The following NAALADL2 variants were observed in gnomAD, a reference collection of about 807,000 sequenced individuals.
The protein encoded by NAALADL2 is N-acetylated alpha-linked acidic dipeptidase like 2.
NAALADL2 carries 76 observed loss-of-function variants against 87.2 expected under a neutral mutation model. The observed-to-expected ratio is 0.87, with a 90% CI of 0.72 to 1.05. The LOEUF is 1.05. NAALADL2 is among the 50% of genes least tolerant of loss of function. The pLI is 0.00. For synonymous variants in NAALADL2, 354 were observed against 331.0 expected (o/e 1.07, Z -0.75); for missense variants, 1,089 against 945.8 (o/e 1.15, Z -1.99).
intron 5 of NAALADL2, among the ~76,000 whole-genome samples, chr3:175,383,170 C>G (rs1767983251): frequency 6.6e-6 from 1 of 151,888 alleles, no homozygotes; most frequent in Non-Finnish European, 1.5e-5. Context: ...TTTATCATTC[C>G]TTTGTGTTAG....
At chr3:175,336,818 T>G (rs1420500210) in intron 5 of NAALADL2, among the ~76,000 whole-genome samples, 1 of 152,164 alleles carries the variant, frequency 6.6e-6, no homozygotes, top group Non-Finnish European at 1.5e-5. Flanking sequence ...AAACACAAAT[T>G]TGAACAAACC....
intron 1 of NAALADL2, among the ~76,000 whole-genome samples, chr3:174,989,184 C>T (rs1746377216): frequency 6.6e-6 from 1 of 152,168 alleles, no homozygotes; most frequent in Non-Finnish European, 1.5e-5. Context: ...GTCCCCATGA[C>T]TCAAATACCT....
At chr3:175,100,182 A>T (rs752090133) in intron 2 of NAALADL2, among the ~76,000 whole-genome samples, 2 of 152,174 alleles carry the variant, frequency 1.3e-5, no homozygotes, top group Non-Finnish European at 2.9e-5. Flanking sequence ...CAGTTGAGGC[A>T]TAAAGACAAT....
At chr3:174,525,854 C>A (rs968212745) in intron 1 of NAALADL2, among the ~76,000 whole-genome samples, 1 of 152,102 alleles carries the variant, frequency 6.6e-6, no homozygotes, top group Non-Finnish European at 1.5e-5. Flanking sequence ...TTTTGGGGGG[C>A]ACCCACTATG....
chr3:175,467,972 A>C (rs1724336411), intron 8 of NAALADL2, among the ~76,000 whole-genome samples: 1 of 152,274 alleles, frequency 6.6e-6, no homozygotes, highest in Admixed American at 6.5e-5. Flanking sequence ...TATGTAGACC[A>C]AAAACACTAC....
intron 10 of NAALADL2, among the ~76,000 whole-genome samples, chr3:175,598,277 T>C (rs1268622977): frequency 6.6e-6 from 1 of 152,060 alleles, no homozygotes; most frequent in African/African-American, 2.4e-5. Flanking sequence ...TTGTTATCTT[T>C]TATACAAAAT....
At chr3:175,722,057 G>T (rs182935844) in intron 11 of NAALADL2, among the ~76,000 whole-genome samples, 1 of 151,860 alleles carries the variant, frequency 6.6e-6, no homozygotes, top group East Asian at 1.9e-4. Flanking sequence ...TCTATTTCTC[G>T]CATTTTGTTG....
In NAALADL2 at chr3:175,745,528, A is replaced by G. The variant is rs572757020; in HGVS notation, c.1990+8129A>G. Among the ~76,000 whole-genome samples, 79 of 152,318 alleles carry G rather than the reference A, an allele frequency of 5.2e-4. 1 individual carries two copies. Among genetic ancestry groups the G allele is most frequent in the African/African-American group, 1.9e-3 (77 of 41,580 alleles). ...ACTATAGATCATCTCTAGATTACTT[A>G]TAATACCTAATGCAATGTAAATGCT... On this transcript the variant is annotated intron_variant, in intron 12 of 13. Coordinates refer to ENST00000454872, the MANE Select transcript of NAALADL2 (RefSeq NM_207015.3).
chr3:175,260,962 G>A (rs17533447), intron 4 of NAALADL2, among the ~76,000 whole-genome samples: 19,587 of 151,986 alleles, frequency 0.13, 1,503 homozygotes, highest in Non-Finnish European at 0.18. Flanking sequence ...TGCAGGGTAG[G>A]AACTATGAAC....
intron 11 of NAALADL2, among the ~76,000 whole-genome samples, chr3:175,682,328 A>T (rs968025269): frequency 4.6e-5 from 7 of 152,206 alleles, no homozygotes; most frequent in African/African-American, 1.7e-4. Context: ...AAAAGTAGAT[A>T]GAAAAAATAC....
chr3:175,703,407 T>C (rs560871892), intron 11 of NAALADL2, among the ~76,000 whole-genome samples: 1 of 152,316 alleles, frequency 6.6e-6, no homozygotes, highest in Non-Finnish European at 1.5e-5. Flanking sequence ...ATACATGTAC[T>C]ATAATTAATG....
chr3:174,898,083 A>G (rs1410855392), intron 1 of NAALADL2, among the ~76,000 whole-genome samples: 3 of 104,060 alleles, frequency 2.9e-5, no homozygotes, highest in Non-Finnish European at 5.1e-5. Context: ...ACTGCACTCC[A>G]GCCTGGGTGA....
At chr3:174,683,942 G>T (rs954603897) in intron 2 of NAALADL2, among the ~76,000 whole-genome samples, 2 of 151,814 alleles carry the variant, frequency 1.3e-5, no homozygotes, top group Admixed American at 6.6e-5. Flanking sequence ...AGTTTTAAAA[G>T]AAACATTTAT....
At chr3:175,369,618 C>G (rs1383684747) in intron 5 of NAALADL2, 1 of 151,916 alleles carries the variant, frequency 6.6e-6, no homozygotes, top group Non-Finnish European at 1.5e-5. Context: ...ATATAGGTAG[C>G]CTGTGTGTGT....
At chr3:175,272,757 T>A (rs1753033931) in intron 4 of NAALADL2, among the ~76,000 whole-genome samples, 1 of 152,112 alleles carries the variant, frequency 6.6e-6, no homozygotes, top group Admixed American at 6.6e-5. Context: ...TCAAATGAGA[T>A]AATTCTGGGT....
At chr3:174,639,571 C>A (rs1722972050) in intron 2 of NAALADL2, among the ~76,000 whole-genome samples, 1 of 152,132 alleles carries the variant, frequency 6.6e-6, no homozygotes, top group Admixed American at 6.6e-5. Flanking sequence ...GTGGTTAAAC[C>A]TTTATCAGCA....
At chr3:175,799,608 A>C (rs896208179) in intron 13 of NAALADL2, among the ~76,000 whole-genome samples, 2 of 152,154 alleles carry the variant, frequency 1.3e-5, no homozygotes, top group Non-Finnish European at 2.9e-5. Flanking sequence ...AGGCAGTTTC[A>C]TCTCCATTTT....
chr3:174,858,461 GT>G (rs1339971702), upstream of NAALADL2, among the ~76,000 whole-genome samples: 4 of 151,958 alleles, frequency 2.6e-5, no homozygotes, highest in Non-Finnish European at 5.9e-5. Context: ...GTTAATCTAA[GT>G]TAATATTCAC....
chr3:174,710,916 A>G (rs1730565252), intron 2 of NAALADL2, among the ~76,000 whole-genome samples: 2 of 152,124 alleles, frequency 1.3e-5, no homozygotes, highest in Non-Finnish European at 2.9e-5. Context: ...TGATCTACAG[A>G]ACTGTGAGCT....
Sources: gnomAD v4.1 joint callset for allele counts (sites outside exome capture counted in the v4.1 genomes callset) on GRCh38, gnomAD v4.1.1 for gene constraint, MANE v1.5 for transcripts, NCBI Gene and HGNC (gene_info 2026-07-23, HGNC 2026-07-21) for gene names.